The following TPO variants were observed in gnomAD, a reference collection of about 807,000 sequenced individuals.
TPO encodes the protein thyroid peroxidase, also known as thyroid microsomal antigen.
Under a neutral mutation model 96.9 loss-of-function variants are expected in TPO, and 78 were observed. The observed-to-expected ratio is 0.81, with a 90% CI of 0.67 to 0.97. The LOEUF is 0.97. Among genes scored for constraint, TPO ranks in the 50% least tolerant of loss-of-function variants. The probability of loss-of-function intolerance (pLI) is 0.00; values close to 1 mark genes in which losing one functional copy is unlikely to be tolerated. For synonymous variants in TPO, 547 were observed against 538.0 expected, an observed-to-expected ratio of 1.02 and a Z score of -0.23; for missense variants, 1,252 against 1,274.8, an observed-to-expected ratio of 0.98 and a Z score of 0.27.
intron 7 of TPO, among the ~76,000 whole-genome samples, chr2:1,470,677 C>G (rs184261807): frequency 1.3e-5 from 2 of 152,070 alleles, no homozygotes; most frequent in East Asian, 1.9e-4. Flanking sequence ...ATGGTGAGAG[C>G]AGCATCTGCC....
At chr2:1,476,623 G>A (rs192664523) in intron 7 of TPO, among the ~76,000 whole-genome samples, 3 of 152,376 alleles carry the variant, frequency 2.0e-5, no homozygotes, top group Admixed American at 2.0e-4. Flanking sequence ...AAACCAGACC[G>A]GGGATTCCAT....
chr2:1,541,066 G>A, intron 16 of TPO: 1 of 1,245,380 alleles, frequency 8.0e-7, no homozygotes, highest in Admixed American at 3.4e-5. Context: ...TTTAAATTCT[G>A]ATTTTTAAGT....
intron 6 of TPO, 73 bp downstream of exon 6, chr2:1,453,896 T>C (rs1426511209): frequency 6.2e-7 from 1 of 1,606,140 alleles, no homozygotes; most frequent in African/African-American, 1.3e-5. Flanking sequence ...AATAGCCTTT[T>C]ACTGGGTTCT....
intron 1 of TPO, among the ~76,000 whole-genome samples, chr2:1,376,844 T>C (rs1281854992): frequency 2.0e-4 from 30 of 152,138 alleles, no homozygotes; most frequent in Admixed American, 2.0e-3. Context: ...ATAATTCTGG[T>C]AGTGAAAGGA....
chr2:1,448,680 G>A (rs1667046579), intron 5 of TPO, among the ~76,000 whole-genome samples: 1 of 152,212 alleles, frequency 6.6e-6, no homozygotes, highest in African/African-American at 2.4e-5. Context: ...GAGAGCAGTG[G>A]TCGGAGGCTC....
chr2:1,543,021 TCCAGAGATTC>T lies in TPO; in HGVS notation c.*548_*557del, dbSNP rs1680915918. On this transcript the variant is annotated 3_prime_UTR_variant, in exon 17 of 17. Transcript: ENST00000329066. ...CAAGGCAAAGTGACTTGTCTCATCC[TCCAGAGATTC>T]ACCAACACATGAGCCTCAGACCCCA... The T allele has an allele frequency of 5.1e-6, 1 of 196,266 alleles. No homozygotes were observed. The highest frequency in any genetic ancestry group is 2.6e-5 in the African/African-American group (1 of 38,460). 12.2% of individuals were successfully genotyped at this position (196,266 alleles called of 1,614,324 possible). A position where few individuals can be genotyped will look rare whatever the true frequency, so the allele number is the denominator to read the frequency against.
intron 8 of TPO, among the ~76,000 whole-genome samples, chr2:1,480,631 A>G (rs1010825394): frequency 1.6e-5 from 2 of 122,954 alleles, no homozygotes; most frequent in African/African-American, 2.9e-5. Context: ...AGGCTAATGC[A>G]CACATCAGCA....
intron 15 of TPO, among the ~76,000 whole-genome samples, chr2:1,538,893 C>T (rs2125340820): frequency 6.6e-6 from 1 of 152,226 alleles, no homozygotes; most frequent in East Asian, 1.9e-4. Flanking sequence ...CCTTTGGTGC[C>T]CTGCTGGTGT....
chr2:1,400,458 A>G (rs1251273375), intron 1 of TPO, among the ~76,000 whole-genome samples: 1 of 151,304 alleles, frequency 6.6e-6, no homozygotes, highest in Non-Finnish European at 1.5e-5. Flanking sequence ...ACACCATTGT[A>G]CTTCAGTCTG....
intron 14 of TPO, among the ~76,000 whole-genome samples, chr2:1,509,354 G>A (rs1673827703): frequency 6.6e-6 from 1 of 151,228 alleles, no homozygotes; most frequent in Admixed American, 6.6e-5. Context: ...ACACCCTCTT[G>A]TATCGGGCAC....
intron 7 of TPO, among the ~76,000 whole-genome samples, chr2:1,474,459 A>G (rs990946227): frequency 1.3e-4 from 20 of 152,154 alleles, no homozygotes; most frequent in African/African-American, 4.8e-4. Flanking sequence ...CTGACTCTGT[A>G]GAGTGCACTG....
rs2280132 is a variant in TPO at position 1,477,383 on chromosome 2, G to T, written c.1117G>T (p.Ala373Ser). 0.47 allele frequency: 716,772 copies of T among 1,533,934 alleles called. 168,675 individuals are homozygous for T. The highest frequency in any genetic ancestry group is 0.48 in the Non-Finnish European group (550,993 of 1,142,262). Residue 373 changes from alanine to serine, a missense_variant, in exon 8 of 17, where the codon GCG becomes TCG. Ala to Ser is a moderately conservative substitution (Grantham distance 99). Coordinates refer to ENST00000329066, the MANE Select transcript of TPO (RefSeq NM_001206744.2). ...YLPFVPPRAP[A>S]ACAPEPGIPG... is the part of the protein sequence containing the mutation. ...GCCCTTCGTGCCGCCACGCGCGCCT[G>T]CGGCCTGTGCGCCCGAGCCCGGCAT...
At chr2:1,508,588 T>G (rs1673732605) in intron 14 of TPO, among the ~76,000 whole-genome samples, 7 of 152,210 alleles carry the variant, frequency 4.6e-5, no homozygotes, top group Admixed American at 4.6e-4. Context: ...ATTCAGAGAT[T>G]CAACTTCTTC....
At chr2:1,539,933 G>A (rs942534488) in intron 15 of TPO, among the ~76,000 whole-genome samples, 1 of 152,184 alleles carries the variant, frequency 6.6e-6, no homozygotes, top group Non-Finnish European at 1.5e-5. Context: ...GGAAAATATA[G>A]TAGCTGTTAA....
chr2:1,429,728 T>C (rs1245015874), intron 3 of TPO, among the ~76,000 whole-genome samples: 1 of 152,192 alleles, frequency 6.6e-6, no homozygotes, highest in Non-Finnish European at 1.5e-5. Context: ...GGCTGCATTG[T>C]GTCCAAGTCG....
At chr2:1,536,926 T>TC (rs1248970524) in intron 15 of TPO, among the ~76,000 whole-genome samples, 2 of 63,264 alleles carry the variant, frequency 3.2e-5, no homozygotes, top group Admixed American at 2.2e-4. Flanking sequence ...ACCTCCCAAA[T>TC]CCCCCCCAAT....
chr2:1,452,591 T>C (rs1018590357), intron 5 of TPO, among the ~76,000 whole-genome samples: 3 of 152,178 alleles, frequency 2.0e-5, no homozygotes, highest in African/African-American at 7.2e-5. Flanking sequence ...CTGGGAACAG[T>C]TTTGCCATAG....
intron 7 of TPO, among the ~76,000 whole-genome samples, chr2:1,461,020 G>A (rs1487154337): frequency 1.3e-5 from 2 of 152,210 alleles, no homozygotes; most frequent in Non-Finnish European, 2.9e-5. Flanking sequence ...GCTGCTATTG[G>A]GGTAATTTAT....
chr2:1,497,268 G>C (rs748175187), intron 13 of TPO, among the ~76,000 whole-genome samples: 2 of 152,204 alleles, frequency 1.3e-5, no homozygotes, highest in Non-Finnish European at 2.9e-5. Flanking sequence ...TTTGAGAGCA[G>C]GATGGGGAGG....
Sources: gnomAD v4.1 joint callset for allele counts (sites outside exome capture counted in the v4.1 genomes callset) on GRCh38, gnomAD v4.1.1 for gene constraint, MANE v1.5 for transcripts, NCBI Gene and HGNC (gene_info 2026-07-23, HGNC 2026-07-21) for gene names.